The following RPS10 variants were observed in gnomAD, a reference collection of about 807,000 sequenced individuals.
The protein encoded by RPS10 is ribosomal protein S10, also known as small ribosomal subunit protein eS10.
RPS10 carries 2 observed loss-of-function variants against 22.6 expected under a neutral mutation model. The ratio of observed to expected loss-of-function variants is 0.09; its 90% CI spans 0.04 to 0.28. The LOEUF (loss-of-function observed/expected upper bound fraction) is 0.28. RPS10 is among the 10% of genes least tolerant of loss of function. RPS10 has a pLI of 1.00. For synonymous variants in RPS10, 70 were observed against 75.9 expected (o/e 0.92, Z 0.40); for missense variants, 137 against 222.2 (o/e 0.62, Z 2.44).
At chr6:34,421,148 C>A (rs1765752593) in intron 4 of RPS10, among the ~76,000 whole-genome samples, 1 of 141,910 alleles carries the variant, frequency 7.0e-6, no homozygotes. Flanking sequence ...GCTGGAGTGA[C>A]AACTTTAACA....
intron 4 of RPS10, among the ~76,000 whole-genome samples, chr6:34,420,510 G>A (rs1211910762): frequency 6.6e-6 from 1 of 152,098 alleles, no homozygotes; most frequent in Non-Finnish European, 1.5e-5. Context: ...GAGCCACTGT[G>A]CCTGGCCCAT....
chr6:34,419,861 G>T (rs1396359956), intron 4 of RPS10, among the ~76,000 whole-genome samples: 2 of 151,812 alleles, frequency 1.3e-5, no homozygotes, highest in Non-Finnish European at 2.9e-5. Flanking sequence ...TACAGGAGTG[G>T]GCCACCGCGC....
At chr6:34,419,192 T>G (rs1254945469) in intron 4 of RPS10, among the ~76,000 whole-genome samples, 1 of 152,006 alleles carries the variant, frequency 6.6e-6, no homozygotes, top group Non-Finnish European at 1.5e-5. Context: ...CTAATTTTTT[T>G]GTATTTTTAG....
chr6:34,421,160 T>C (rs1366848771), intron 4 of RPS10, among the ~76,000 whole-genome samples: 5 of 141,248 alleles, frequency 3.5e-5, no homozygotes, highest in Admixed American at 3.5e-4. Context: ...ACTTTAACAA[T>C]TACTGAAACC....
intron 4 of RPS10, among the ~76,000 whole-genome samples, chr6:34,418,946 C>T (rs549304925): frequency 3.4e-4 from 51 of 152,088 alleles, no homozygotes; most frequent in East Asian, 2.5e-3. Context: ...ACGATCTCAG[C>T]TCACTACAAC....
chr6:34,420,310 G>A (rs113296368), intron 4 of RPS10, among the ~76,000 whole-genome samples: 4 of 152,068 alleles, frequency 2.6e-5, no homozygotes, highest in Admixed American at 2.6e-4. Flanking sequence ...CCGCCTCCCA[G>A]GTTCAAGCAA....
intron 4 of RPS10, among the ~76,000 whole-genome samples, chr6:34,419,829 C>T (rs1765702481): frequency 6.6e-6 from 1 of 152,162 alleles, no homozygotes; most frequent in Non-Finnish European, 1.5e-5. Context: ...CTGCCCGCCT[C>T]GGCCTCCCAA....
At chr6:34,420,197 A>G (rs1182865457) in intron 4 of RPS10, among the ~76,000 whole-genome samples, 1 of 152,194 alleles carries the variant, frequency 6.6e-6, no homozygotes, top group Non-Finnish European at 1.5e-5. Flanking sequence ...GCAAATGCCA[A>G]TAACGAATAT....
intron 4 of RPS10, among the ~76,000 whole-genome samples, chr6:34,419,269 G>A (rs1022944444): frequency 1.3e-5 from 2 of 151,914 alleles, no homozygotes; most frequent in Non-Finnish European, 2.9e-5. Flanking sequence ...CAAGTGATCC[G>A]CCCACCTCGG....
At chr6:34,424,988 A>T in intron 2 of RPS10, 84 bp downstream of exon 2, 1 of 1,608,046 alleles carries the variant, frequency 6.2e-7, no homozygotes, top group Non-Finnish European at 8.5e-7. Flanking sequence ...CCTTAGGGGA[A>T]GATCCCTCCA....
chr6:34,419,578 A>G (rs1765693442), intron 4 of RPS10, among the ~76,000 whole-genome samples: 1 of 51,574 alleles, frequency 1.9e-5, no homozygotes, highest in South Asian at 1.0e-3. Context: ...GTATTTATTT[A>G]CTTATTTTTT....
intron 4 of RPS10, among the ~76,000 whole-genome samples, chr6:34,421,097 G>GT (rs554380258): frequency 0.012 from 1,539 of 132,016 alleles, 17 homozygotes; most frequent in Middle Eastern, 0.027. Flanking sequence ...TACCGAAGAG[G>GT]TTTTTTTTTT....
chr6:34,418,235 T>C, intron 5 of RPS10, 134 bp downstream of exon 5: 1 of 1,548,304 alleles, frequency 6.5e-7, no homozygotes, highest in Non-Finnish European at 8.7e-7. Flanking sequence ...ATTTGGAATT[T>C]GGAAAAAAGT....
intron 3 of RPS10, 22 bp downstream of exon 3, chr6:34,424,647 G>C: frequency 6.2e-7 from 1 of 1,613,918 alleles, no homozygotes; most frequent in Non-Finnish European, 8.5e-7. Flanking sequence ...AATAGCTGAA[G>C]GGATTTGTGT....
chr6:34,419,302 A>G (rs1374933949), intron 4 of RPS10, among the ~76,000 whole-genome samples: 1 of 152,058 alleles, frequency 6.6e-6, no homozygotes. Flanking sequence ...TTGGGATTAC[A>G]GGCATGAGCC....
chr6:34,418,490 AACTC>A, intron 4 of RPS10, 66 bp from the exon 5 acceptor site: 13 of 1,610,974 alleles, frequency 8.1e-6, no homozygotes, highest in Non-Finnish European at 1.0e-5. Flanking sequence ...AAGGGAAGAC[AACTC>A]ACTGACTCCA....
chr6:34,418,832 AT>A (rs1315421291), intron 4 of RPS10, among the ~76,000 whole-genome samples: 2 of 152,156 alleles, frequency 1.3e-5, no homozygotes, highest in Non-Finnish European at 2.9e-5. Flanking sequence ...CCGGTCCTAT[AT>A]CCCAGTCACA....
At chr6:34,418,460 GATCTA>G in intron 4 of RPS10, 36 bp from the exon 5 acceptor site, 1 of 1,614,056 alleles carries the variant, frequency 6.2e-7, no homozygotes, top group Non-Finnish European at 8.5e-7. Flanking sequence ...ATCATCATAT[GATCTA>G]ATCTACTATA....
chr6:34,417,930 A>G (rs1467337943), intron 5 of RPS10: 1 of 718,214 alleles, frequency 1.4e-6, no homozygotes, highest in African/African-American at 1.7e-5. Context: ...TGCCAGTACT[A>G]TGCCTGGATT....
Sources: gnomAD v4.1 joint callset for allele counts (sites outside exome capture counted in the v4.1 genomes callset) on GRCh38, gnomAD v4.1.1 for gene constraint, MANE v1.5 for transcripts, NCBI Gene and HGNC (gene_info 2026-07-23, HGNC 2026-07-21) for gene names.